The following MADD variants were observed in gnomAD, a reference collection of about 807,000 sequenced individuals.
The protein encoded by MADD is MAP kinase-activating death domain protein.
In MADD, 109 loss-of-function variants were observed where a neutral mutation model predicts 176.7. The ratio of observed to expected loss-of-function variants is 0.62; its 90% confidence interval spans 0.53 to 0.72. The LOEUF (loss-of-function observed/expected upper bound fraction) is 0.72. Among genes scored for constraint, MADD ranks in the 30% least tolerant of loss-of-function variants. The probability of loss-of-function intolerance (pLI) is 0.00; values close to 1 mark genes in which losing one functional copy is unlikely to be tolerated. For synonymous variants in MADD, 771 were observed against 771.3 expected (o/e 1.00, Z 0.01); for missense variants, 1,914 against 2,045.5 (o/e 0.94, Z 1.24).
Position 47,285,263 on chromosome 11 carries a change from G to A in MADD, c.2411+69G>A, listed in dbSNP as rs112943668. 4.9e-5 allele frequency: 78 copies of A among 1,578,684 alleles called. 2 individuals are homozygous for A. In the African/African-American group the frequency reaches 7.7e-4, roughly 16 times the overall value. On this transcript the variant is annotated intron_variant, in intron 13 of 32. Coordinates refer to ENST00000402192, the Ensembl canonical transcript of MADD. ...TCACCTCAGTGGACCCTGGGCAAGG[G>A]TTAATCAGAAAGTCTGAGAAGTCTG...
At chr11:47,309,010 T>C in intron 23 of MADD, 2 of 1,614,094 alleles carry the variant, frequency 1.2e-6, no homozygotes, top group Non-Finnish European at 1.7e-6. Context: ...TGGGACCAGT[T>C]AGAGGATGCA....
chr11:47,328,159 C>T (rs1221309797), intron 31 of MADD: 1 of 1,019,888 alleles, frequency 9.8e-7, no homozygotes, highest in Non-Finnish European at 1.2e-6. Context: ...AGCCTCAAGA[C>T]CCTCTGTGTA....
At chr11:47,327,383 T>G in intron 31 of MADD, 1 of 985,430 alleles carries the variant, frequency 1.0e-6, no homozygotes, top group Non-Finnish European at 1.2e-6. Context: ...GTTCCTGCTG[T>G]GTTTGTGCTT....
At position 47,323,847 on chromosome 11, in the gene MADD, CTG is replaced by C; in HGVS notation, c.4362+16_4362+17del. ...TCTATACTAAAAAGGTACGCAGGAT[CTG>C]TGTTTGGGTTGGGGCTAGTAGGCAT... is the stretch of plus-strand genomic sequence containing the variant. On this transcript the variant is annotated intron_variant, in intron 28 of 32. Coordinates refer to ENST00000402192, the Ensembl canonical transcript of MADD. 6.2e-7 allele frequency: 1 copy of C among 1,613,384 alleles called. No individual in the cohort carries two copies. Among genetic ancestry groups the C allele is most frequent in the Non-Finnish European group, 8.5e-7 (1 of 1,179,380 alleles).
intron 27 of MADD, 97 bp from the exon 31 acceptor site, chr11:47,323,574 A>G (rs2094914252): frequency 3.0e-6 from 4 of 1,329,964 alleles, no homozygotes; most frequent in East Asian, 4.7e-5. Context: ...AAACCTGACC[A>G]TGGGGATGCC....
intron 27 of MADD, among the ~76,000 whole-genome samples, chr11:47,316,693 A>G (rs2093128717): frequency 6.6e-6 from 1 of 151,414 alleles, no homozygotes; most frequent in African/African-American, 2.4e-5. Flanking sequence ...CCGGCCTTCC[A>G]GTGGACTTTT....
intron 31 of MADD, chr11:47,328,190 A>C: frequency 9.5e-7 from 1 of 1,051,892 alleles, no homozygotes; most frequent in Non-Finnish European, 1.1e-6. Flanking sequence ...AATAACGGGA[A>C]CTGTGTTTAA....
intron 22 of MADD, among the ~76,000 whole-genome samples, chr11:47,302,277 A>C (rs1249918955): frequency 6.6e-6 from 1 of 151,978 alleles, no homozygotes; most frequent in African/African-American, 2.4e-5. Context: ...GCAGTGGCGC[A>C]ATCTCCGCTC....
At chr11:47,296,771 T>G (rs947697905) in intron 22 of MADD, among the ~76,000 whole-genome samples, 10 of 149,504 alleles carry the variant, frequency 6.7e-5, no homozygotes, top group African/African-American at 1.2e-4. Context: ...GTTGTTTTTT[T>G]TTTTTTTTTT....
intron 15 of MADD, among the ~76,000 whole-genome samples, chr11:47,287,534 C>T (rs970971658): frequency 1.4e-4 from 22 of 152,108 alleles, no homozygotes; most frequent in African/African-American, 4.8e-4. Context: ...TTCAGCCTCC[C>T]GTGTAGTTGG....
In MADD at chr11:47,276,714, C is replaced by T. The variant is rs1216965990; in HGVS notation, c.964-18C>T. The T allele has an allele frequency of 5.0e-6, 8 of 1,613,076 alleles. No individual in the cohort carries two copies. The Admixed American group carries it at 5.0e-5, about 10-fold the overall frequency. Reference sequence around the variant, plus strand: ...ATTTTATGTTTTGGAGTGATTCTTACTGGATGGCTCATGACAGGTGGTGCT... The same window carrying T: ...ATTTTATGTTTTGGAGTGATTCTTATTGGATGGCTCATGACAGGTGGTGCT... On this transcript the variant is annotated intron_variant, in intron 4 of 32. Transcript: ENST00000402192.
At position 47,285,202 on chromosome 11, in the gene MADD, C is replaced by T. The variant is rs1299551320; in HGVS notation, c.2411+8C>T. On this transcript the variant is annotated splice_region_variant and intron_variant, in intron 13 of 32. Coordinates refer to ENST00000402192, the Ensembl canonical transcript of MADD. ...ACATGTCAGTGGCAATCGGTGAGAGCCTGGGCATCCCTTCTAGATGGGTGA... is the reference window on the plus strand; with the variant it reads ...ACATGTCAGTGGCAATCGGTGAGAGTCTGGGCATCCCTTCTAGATGGGTGA... The T allele has an allele frequency of 3.7e-6, 6 of 1,612,488 alleles. No homozygotes were observed. Among genetic ancestry groups the T allele is most frequent in the Non-Finnish European group, 5.1e-6 (6 of 1,179,538 alleles).
intron 22 of MADD, among the ~76,000 whole-genome samples, chr11:47,303,691 C>T (rs559316044): frequency 5.3e-5 from 8 of 150,760 alleles, no homozygotes; most frequent in East Asian, 1.9e-4. Context: ...CTGCAACCTG[C>T]GCCGCTTGGG....
At chr11:47,282,785 CTT>C in intron 9 of MADD, 26 bp from the exon 10 acceptor site, 1 of 1,607,348 alleles carries the variant, frequency 6.2e-7, no homozygotes, top group Admixed American at 1.7e-5. Flanking sequence ...TTGCTGCTGA[CTT>C]TCTGTTCTTT....
At position 47,319,667 on chromosome 11, in the gene MADD, T is replaced by G. The variant is rs577874168; in HGVS notation, c.4198-4004T>G. On this transcript the variant is annotated intron_variant, in intron 27 of 32. Coordinates refer to ENST00000402192, the Ensembl canonical transcript of MADD. ...TAATTTATTTATATGGAATTTTGTT[T>G]TTGCACTTACGAAAGTGGTATCAAA... Among the ~76,000 whole-genome samples the G allele has an allele frequency of 3.3e-5, 5 of 152,326 alleles. No individual in the cohort carries two copies. In the South Asian group the frequency reaches 1.0e-3, roughly 32 times the overall value.
rs1042700916 is a variant in MADD, at chr11:47,276,647, A to C, written c.964-85A>C. The C allele has an allele frequency of 2.0e-6, 3 of 1,536,190 alleles. No individual in the cohort carries two copies. In the African/African-American group the frequency reaches 4.1e-5, roughly 21 times the overall value. On this transcript the variant is annotated intron_variant, in intron 4 of 32. Coordinates refer to ENST00000402192, the Ensembl canonical transcript of MADD. ...TGGAGCTGTAGGCTCGATGAAGTGG[A>C]AACCAAGTTGTAATGTTGGAAGCTG...
At chr11:47,292,561 A>G (rs760038153) in intron 19 of MADD, 1 of 1,614,064 alleles carries the variant, frequency 6.2e-7, no homozygotes, top group South Asian at 1.1e-5. Context: ...AACAAGCACC[A>G]GGAAGTGAAA....
At chr11:47,304,103 T>C (rs1201387939) in intron 22 of MADD, among the ~76,000 whole-genome samples, 2 of 152,226 alleles carry the variant, frequency 1.3e-5, no homozygotes, top group African/African-American at 4.8e-5. Flanking sequence ...CTAAGTGTTG[T>C]AGACCTTCTT....
intron 28 of MADD, 188 bp from the exon 32 acceptor site, chr11:47,324,077 A>G (rs1595497769): frequency 1.5e-6 from 1 of 645,868 alleles, no homozygotes; most frequent in Non-Finnish European, 2.7e-6. Context: ...CTTTAAAGCC[A>G]TACTATTCAT....
Sources: gnomAD v4.1 joint callset for allele counts (sites outside exome capture counted in the v4.1 genomes callset) on GRCh38, gnomAD v4.1.1 for gene constraint, MANE v1.5 for transcripts, NCBI Gene and HGNC (gene_info 2026-07-23, HGNC 2026-07-21) for gene names.